PIWIL2: variants seen among roughly 807,000 people sequenced by gnomAD.
PIWIL2 encodes the protein piwi like RNA-mediated gene silencing 2, also known as piwi-like protein 2.
In PIWIL2, 81 loss-of-function variants were observed where a neutral mutation model predicts 116.5. The ratio of observed to expected loss-of-function variants is 0.70; its 90% CI spans 0.58 to 0.84. The LOEUF is 0.84. PIWIL2 is among the 40% of genes least tolerant of loss of function. The pLI, the probability that PIWIL2 is intolerant of heterozygous loss-of-function variation, is 0.00. For synonymous variants in PIWIL2, 489 were observed against 429.5 expected (o/e 1.14, Z -1.71); for missense variants, 1,272 against 1,212.3 (o/e 1.05, Z -0.73).
intron 7 of PIWIL2, 34 bp from the exon 8 acceptor site, chr8:22,288,508 C>A (rs753225036): frequency 2.5e-6 from 4 of 1,585,572 alleles, no homozygotes; most frequent in South Asian, 2.2e-5. Context: ...TTAGTTTTGT[C>A]ATTTTGTTTC....
chr8:22,287,086 A>G (rs923705624), intron 6 of PIWIL2, among the ~76,000 whole-genome samples: 1 of 146,430 alleles, frequency 6.8e-6, no homozygotes, highest in Non-Finnish European at 1.5e-5. Flanking sequence ...CCCTATCTCA[A>G]AAAAAAAAAG....
At chr8:22,283,356 T>G in intron 5 of PIWIL2, 116 bp downstream of exon 5, 1 of 740,414 alleles carries the variant, frequency 1.4e-6, no homozygotes, top group Non-Finnish European at 2.3e-6. Context: ...GTAATAATAC[T>G]GCGGGGTGTT....
chr8:22,282,920 C>T, intron 4 of PIWIL2, 114 bp from the exon 5 acceptor site: 2 of 815,488 alleles, frequency 2.5e-6, no homozygotes, highest in South Asian at 1.6e-5. Context: ...GAATTTGAAA[C>T]TTGGATCCCT....
chr8:22,306,273 TAAG>T (rs1435561534), intron 13 of PIWIL2, among the ~76,000 whole-genome samples: 1 of 152,180 alleles, frequency 6.6e-6, no homozygotes, highest in East Asian at 1.9e-4. Flanking sequence ...GATTATAAAA[TAAG>T]AAGAAACAAA....
At chr8:22,321,818 C>A in intron 20 of PIWIL2, 3 of 973,590 alleles carry the variant, frequency 3.1e-6, no homozygotes, top group Non-Finnish European at 3.7e-6. Flanking sequence ...CCTCTGGACT[C>A]CCCATTTTTA....
At chr8:22,309,562 C>G (rs1831275187) in intron 14 of PIWIL2, among the ~76,000 whole-genome samples, 1 of 152,128 alleles carries the variant, frequency 6.6e-6, no homozygotes, top group Non-Finnish European at 1.5e-5. Context: ...TGGTGTCAAA[C>G]TCCTGACCTC....
chr8:22,338,341 C>T (rs1832028097), intron 20 of PIWIL2, among the ~76,000 whole-genome samples: 1 of 152,150 alleles, frequency 6.6e-6, no homozygotes, highest in Admixed American at 6.6e-5. Flanking sequence ...AAGTCAATCA[C>T]TTAAAAGTCA....
rs1214869018 is a variant in PIWIL2 at position 22,290,092 on chromosome 8, A to G, written c.1068-141A>G. ...TTGGTTTTTCAGTAAGTTTGCAATA[A>G]TGTCAATTAACTTAGTTTCTTGAGG... is the stretch of plus-strand genomic sequence containing the variant. On this transcript the variant is annotated intron_variant, in intron 9 of 22. Coordinates refer to ENST00000356766, the MANE Select transcript of PIWIL2 (RefSeq NM_018068.5). The G allele has an allele frequency of 4.3e-6, 3 of 701,656 alleles. No homozygotes were observed. The East Asian group carries it at 8.1e-5, about 19-fold the overall frequency. The allele number at this position is 701,656 out of a possible 1,614,324, so 43.5% of individuals were successfully genotyped here.
rs760757219 is a variant in PIWIL2 at position 22,281,191 on chromosome 8, G to A, written c.270G>A (p.Arg90=). Residue 90 remains arginine (R), a synonymous_variant, in exon 3 of 23, where the codon CGG becomes CGA. Transcript: ENST00000356766. ...IETVSKTPLK[R]EMLPSGRGIL... ...CAGTTTCTAAGACCCCTCTGAAACGGGAAATGCTTCCATCAGGTATGTGGA... is the reference window on the plus strand; with the variant it reads ...CAGTTTCTAAGACCCCTCTGAAACGAGAAATGCTTCCATCAGGTATGTGGA... 3 of 1,611,596 alleles carry A rather than the reference G, an allele frequency of 1.9e-6. No individual in the cohort carries two copies. Among genetic ancestry groups the A allele is most frequent in the Non-Finnish European group, 2.5e-6 (3 of 1,178,576 alleles).
chr8:22,335,032 G>A (rs1273625507), intron 20 of PIWIL2, among the ~76,000 whole-genome samples: 1 of 147,696 alleles, frequency 6.8e-6, no homozygotes, highest in Admixed American at 6.9e-5. Flanking sequence ...TCTAGCCTGG[G>A]TGACAGAGTG....
intron 20 of PIWIL2, among the ~76,000 whole-genome samples, chr8:22,336,703 C>T (rs1259132393): frequency 6.6e-6 from 1 of 152,076 alleles, no homozygotes; most frequent in East Asian, 1.9e-4. Flanking sequence ...CCCAGGAGTT[C>T]AAGACCTGCT....
intron 10 of PIWIL2, among the ~76,000 whole-genome samples, chr8:22,293,740 A>G (rs904528509): frequency 3.3e-5 from 5 of 152,340 alleles, no homozygotes; most frequent in East Asian, 1.9e-4. Flanking sequence ...CACAGATTCA[A>G]ATCACTGCCT....
chr8:22,320,945 G>A (rs961230933), intron 20 of PIWIL2, among the ~76,000 whole-genome samples: 7 of 152,100 alleles, frequency 4.6e-5, no homozygotes, highest in African/African-American at 1.7e-4. Flanking sequence ...GGACTGTCTT[G>A]ATTCCTTTTC....
At chr8:22,328,818 G>A (rs867816501) in intron 20 of PIWIL2, among the ~76,000 whole-genome samples, 27 of 107,174 alleles carry the variant, frequency 2.5e-4, no homozygotes, top group African/African-American at 9.0e-4. Context: ...AGCTCTAGTC[G>A]TTTTTTTTTT....
At chr8:22,310,366 T>TC (rs1400133035) in intron 15 of PIWIL2, among the ~76,000 whole-genome samples, 3 of 152,112 alleles carry the variant, frequency 2.0e-5, no homozygotes, top group African/African-American at 7.2e-5. Context: ...CCCCTCTTTT[T>TC]CCCCGGGAGT....
chr8:22,351,440 C>CATATATATATATAT lies in PIWIL2; in HGVS notation c.2404-1489_2404-1476dup, dbSNP rs71544885. 3.3e-3 allele frequency among the ~76,000 whole-genome samples: 173 copies of CATATATATATATAT among 52,788 alleles called. 4 individuals carry two copies. Among genetic ancestry groups the CATATATATATATAT allele is most frequent in the Non-Finnish European group, 3.6e-3 (92 of 25,468 alleles). 34.6% of individuals were successfully genotyped at this position (52,788 alleles called of 152,430 possible). On this transcript the variant is annotated intron_variant, in intron 20 of 22. Transcript: ENST00000356766. ...ACCTGTAAGGAACAGTGCATACATA[C>CATATATATATATAT]ATATATATATATATATATATATATA...
chr8:22,307,959 C>T lies in PIWIL2; in HGVS notation c.1572C>T (p.Ser524=). The T allele has an allele frequency of 1.2e-5, 20 of 1,611,192 alleles. No homozygotes were observed. Among genetic ancestry groups the T allele is most frequent in the Non-Finnish European group, 1.7e-5 (20 of 1,178,228 alleles). ...MKDLAQQINL[S]PKQHHSALEC... ...ATTTGGCTCAGCAAATCAATCTGAG[C>T]CCCAAGCAACACCATAGTGCTTTGG... Residue 524 remains serine, a synonymous_variant, in exon 14 of 23, where the codon AGC becomes AGT. Coordinates refer to ENST00000356766, the MANE Select transcript of PIWIL2 (RefSeq NM_018068.5).
intron 2 of PIWIL2, among the ~76,000 whole-genome samples, chr8:22,280,791 T>C (rs1276961014): frequency 2.6e-5 from 4 of 152,140 alleles, no homozygotes; most frequent in Non-Finnish European, 2.9e-5. Context: ...CATTTTGTTA[T>C]ACTGTTTATC....
chr8:22,349,129 AC>A (rs1453114106), intron 20 of PIWIL2, among the ~76,000 whole-genome samples: 1 of 149,116 alleles, frequency 6.7e-6, no homozygotes, highest in African/African-American at 2.5e-5. Context: ...GCTCACTGCA[AC>A]CTCTGCCCCC....
Sources: allele counts gnomAD v4.1 joint callset (sites outside exome capture counted in the v4.1 genomes callset), GRCh38; gene constraint gnomAD v4.1.1; transcripts MANE v1.5; gene names NCBI Gene and HGNC (gene_info 2026-07-23, HGNC 2026-07-21).